Variants in WFS1 observed in about 807,000 individuals in gnomAD.
The protein encoded by WFS1 is wolframin ER transmembrane glycoprotein, also known as wolframin.
Under a neutral mutation model 68.5 loss-of-function variants are expected in WFS1, and 90 were observed. The observed-to-expected ratio is 1.31, with a 90% CI of 1.11 to 1.56. WFS1 has a LOEUF of 1.56. WFS1 is among the 40% of genes most tolerant of loss of function. The pLI is 0.00. For missense variants in WFS1, 1,767 were observed against 1,232.6 expected (o/e 1.43, Z -6.49); for synonymous variants, 860 against 540.7 (o/e 1.59, Z -8.19).
In WFS1 at chr4:6,301,338, T is replaced by G; in HGVS notation, c.1543T>G (p.Phe515Val). Residue 515 changes from phenylalanine (F) to valine (V), a missense_variant, in exon 8 of 8, where the codon TTC becomes GTC. By Grantham distance (50) the Phe-to-Val change is conservative (BLOSUM62 -1). Transcript: ENST00000226760. ...GCTCTATGTCTACCTGCTCTATCTC[T>G]TCTTCCGCATGGCACAGCTGAGGAA... ...CLLYVYLLYL[F>V]FRMAQLRNFK... 1 of 1,612,180 alleles carries G rather than the reference T, an allele frequency of 6.2e-7. No homozygotes were observed. The highest frequency in any genetic ancestry group is 1.7e-5 in the Admixed American group (1 of 60,024).
intron 2 of WFS1, among the ~76,000 whole-genome samples, chr4:6,284,458 A>G (rs1730255498): frequency 6.6e-6 from 1 of 152,168 alleles, no homozygotes; most frequent in South Asian, 2.1e-4. Flanking sequence ...CTTCTGTGAA[A>G]AATTAATTAT....
At position 6,287,874 on chromosome 4, in the gene WFS1, C is replaced by T. The variant is rs1402640088; in HGVS notation, c.315+699C>T. Reference sequence around the variant, plus strand: ...CACAGTTATCCTGAGCAGTTTCCTGCCCCCTCTTCTCCCTAAAGAGGAGAA... The same window carrying T: ...CACAGTTATCCTGAGCAGTTTCCTGTCCCCTCTTCTCCCTAAAGAGGAGAA... On this transcript the variant is annotated intron_variant, in intron 3 of 7. Transcript: ENST00000226760. This position sits in a 1 kb window ranked among gnomAD's most constrained non-coding sequence, Gnocchi z 6.4. Among the ~76,000 whole-genome samples, 3 of 152,170 alleles carry T rather than the reference C, an allele frequency of 2.0e-5. No individual in the cohort carries two copies. The highest frequency in any genetic ancestry group is 2.9e-5 in the Non-Finnish European group (2 of 68,044).
At chr4:6,278,137 C>T (rs1730053977) in intron 2 of WFS1, among the ~76,000 whole-genome samples, 2 of 152,228 alleles carry the variant, frequency 1.3e-5, no homozygotes, top group Non-Finnish European at 2.9e-5. Context: ...GACGGGCGTC[C>T]TTCACCTCCA....
At chr4:6,285,173 A>AAATC (rs1730277378) in intron 2 of WFS1, among the ~76,000 whole-genome samples, 3 of 139,096 alleles carry the variant, frequency 2.2e-5, no homozygotes, top group African/African-American at 7.7e-5. Flanking sequence ...AGGGAGAGTT[A>AAATC]CATCCAGGGA....
chr4:6,297,247 T>C (rs1045202034), intron 7 of WFS1, among the ~76,000 whole-genome samples: 4 of 152,334 alleles, frequency 2.6e-5, no homozygotes, highest in African/African-American at 7.2e-5. Context: ...GTTTGTCTTC[T>C]TAGAAGTCTC....
In WFS1 at chr4:6,301,630, G is replaced by A; in HGVS notation, c.1835G>A (p.Trp612Ter). The stretch of plus-strand genomic sequence containing the variant: ...TGTAGTGTGCCCCTGCTGTTGCGCT[G>A]GTGGACCAAGGCCAGCTTCTCTGTG... ...AVCSVPLLLR[W>*]WTKASFSVVG... The change falls in exon 8 of 8, where the codon TGG becomes TAG. Residue 612 changes from tryptophan (W) to a stop codon, truncating the protein, a stop_gained. Coordinates refer to ENST00000226760, the MANE Select transcript of WFS1 (RefSeq NM_006005.3). LOFTEE classifies it high-confidence loss of function. The A allele has an allele frequency of 1.2e-6, 2 of 1,614,062 alleles. No homozygotes were observed.
Position 6,287,488 on chromosome 4 carries a change from A to G in WFS1, c.315+313A>G, listed in dbSNP as rs1243065952. On this transcript the variant is annotated intron_variant, in intron 3 of 7. Transcript: ENST00000226760. This position sits in a 1 kb window ranked among gnomAD's most constrained non-coding sequence, Gnocchi z 6.4. ...GCTGCCTGCTCAGTGCCACCCCTCA[A>G]CATACACTGTGTATGCTGCCCACTC... Among the ~76,000 whole-genome samples the G allele has an allele frequency of 2.0e-5, 3 of 152,050 alleles. No individual in the cohort carries two copies. The highest frequency in any genetic ancestry group is 4.4e-5 in the Non-Finnish European group (3 of 67,956).
At chr4:6,298,831 C>T (rs1560415583) in intron 7 of WFS1, among the ~76,000 whole-genome samples, 1 of 152,354 alleles carries the variant, frequency 6.6e-6, no homozygotes, top group African/African-American at 2.4e-5. Context: ...CCTGGGATCC[C>T]TCCTTGGCCT....
intron 1 of WFS1, among the ~76,000 whole-genome samples, chr4:6,273,463 G>A (rs975593759): frequency 2.6e-5 from 4 of 152,222 alleles, no homozygotes; most frequent in Non-Finnish European, 4.4e-5. Context: ...CAGAGTGGAT[G>A]CAGCTGGAGA....
Position 6,288,988 on chromosome 4 carries a change from T to A in WFS1, c.317T>A (p.Val106Glu), listed in dbSNP as rs1163446789. 5.6e-6 allele frequency: 9 copies of A among 1,607,336 alleles called. No homozygotes were observed. The highest frequency in any genetic ancestry group is 8.5e-7 in the Non-Finnish European group (1 of 1,177,614). The change falls in exon 4 of 8, where the codon GTG becomes GAG. Residue 106 changes from valine to glutamate, a missense_variant and splice_region_variant. Transcript: ENST00000226760. ...GGCTGACTGGTGTCTGGCTTGCAGG[T>A]GGGGAAGCACTACCTGCAGTTGGCC... The part of the protein sequence containing the change: ...KAGDPKAQTE[V>E]GKHYLQLAGD...
In WFS1 at chr4:6,302,748, G is replaced by A; in HGVS notation, c.*280G>A. The A allele has an allele frequency of 1.8e-6, 1 of 553,692 alleles. No homozygotes were observed. Among genetic ancestry groups the A allele is most frequent in the Admixed American group, 3.3e-5 (1 of 30,232 alleles). The allele number at this position is 553,692 out of a possible 1,614,324, so 34.3% of individuals were successfully genotyped here. A position where few individuals can be genotyped will look rare whatever the true frequency, so the allele number is the denominator to read the frequency against. On this transcript the variant is annotated 3_prime_UTR_variant, in exon 8 of 8. Coordinates refer to ENST00000226760, the MANE Select transcript of WFS1 (RefSeq NM_006005.3). ...GACATGGGTGTGCCAGGCTAGACTA[G>A]GAGGTTCCGGTGTCTGGAAAAGCAC...
intron 6 of WFS1, among the ~76,000 whole-genome samples, chr4:6,293,336 CA>C (rs1056608767): frequency 6.6e-6 from 1 of 152,134 alleles, no homozygotes; most frequent in African/African-American, 2.4e-5. Flanking sequence ...CCCTCAGGGA[CA>C]GGGCCCCAGC....
chr4:6,292,120 C>T (rs1224498863), intron 6 of WFS1, 123 bp downstream of exon 6: 3 of 1,017,896 alleles, frequency 2.9e-6, no homozygotes, highest in Non-Finnish European at 4.5e-6. Context: ...CAGCCTGCGC[C>T]TGCAGGGCGA....
intron 2 of WFS1, among the ~76,000 whole-genome samples, chr4:6,281,129 C>T (rs1052202961): frequency 2.0e-5 from 3 of 152,186 alleles, no homozygotes; most frequent in African/African-American, 7.2e-5. Context: ...CACAGGGACA[C>T]AGATGCGGAC....
intron 4 of WFS1, among the ~76,000 whole-genome samples, chr4:6,289,823 A>C (rs902863843): frequency 2.0e-5 from 3 of 152,178 alleles, no homozygotes; most frequent in African/African-American, 7.2e-5. Context: ...AGATTGTAAG[A>C]GTATTTTATG....
chr4:6,274,565 C>T (rs534710248), intron 1 of WFS1, among the ~76,000 whole-genome samples: 3 of 152,188 alleles, frequency 2.0e-5, no homozygotes, highest in South Asian at 2.1e-4. Flanking sequence ...GAGAGGTGAT[C>T]GCCTGAGTGC....
chr4:6,300,068 C>T (rs1232837402), intron 7 of WFS1, among the ~76,000 whole-genome samples: 5 of 152,024 alleles, frequency 3.3e-5, no homozygotes, highest in African/African-American at 7.3e-5. Flanking sequence ...TGCAGCTGAA[C>T]GGTATTTTTG....
Position 6,271,775 on chromosome 4 carries a change from C to T in WFS1, c.-6+1761C>T, listed in dbSNP as rs182894487. On this transcript the variant is annotated intron_variant, in intron 1 of 7. Transcript: ENST00000226760. ...TGGTCCCGATCCGGGCCTGGCTGCA[C>T]GCAGCCCTGCTGGTTCTTCAGCTGC... is the stretch of plus-strand genomic sequence containing the variant. Among the ~76,000 whole-genome samples the T allele has an allele frequency of 1.0e-3, 154 of 152,322 alleles. 1 individual carries two copies. In the Middle Eastern group the frequency reaches 0.01, roughly 10 times the overall value.
intron 2 of WFS1, among the ~76,000 whole-genome samples, chr4:6,280,516 C>T (rs371814521): frequency 5.3e-5 from 8 of 152,182 alleles, no homozygotes; most frequent in Admixed American, 3.3e-4. Flanking sequence ...CACGGCTGTG[C>T]GAGTCCACGC....
Sources: gnomAD v4.1 joint callset for allele counts (sites outside exome capture counted in the v4.1 genomes callset) on GRCh38, gnomAD v4.1.1 for gene constraint, Gnocchi (gnomAD v3.1) non-coding constraint, MANE v1.5 for transcripts, NCBI Gene and HGNC (gene_info 2026-07-23, HGNC 2026-07-21) for gene names.